The following CLVS1 variants were observed in gnomAD, a reference collection of about 807,000 sequenced individuals.
The protein encoded by CLVS1 is clavesin-1.
A neutral mutation model predicts 33.1 loss-of-function variants in CLVS1; 10 were observed. The observed-to-expected ratio is 0.30, with a 90% confidence interval of 0.19 to 0.51. CLVS1 has a LOEUF of 0.51. Among genes scored for constraint, CLVS1 ranks in the 20% least tolerant of loss-of-function variants. The probability of loss-of-function intolerance (pLI) is 0.97; values close to 1 mark genes in which losing one functional copy is unlikely to be tolerated. For synonymous variants in CLVS1, 163 were observed against 166.1 expected (o/e 0.98, Z 0.14); for missense variants, 343 against 433.4 (o/e 0.79, Z 1.85).
rs188327648 is a variant in CLVS1 at position 61,436,364 on chromosome 8, T to C, written c.631-17777T>C. Reference sequence around the variant, plus strand: ...AAAATATTTAGCTGCACTTGCCATCTTGTATTCTCTCTTCAGCACATTCCG... The same window carrying C: ...AAAATATTTAGCTGCACTTGCCATCCTGTATTCTCTCTTCAGCACATTCCG... On this transcript the variant is annotated intron_variant, in intron 3 of 5. Transcript: ENST00000325897. Among the ~76,000 whole-genome samples, 13 of 152,344 alleles carry C rather than the reference T, an allele frequency of 8.5e-5. No homozygotes were observed. The East Asian group carries it at 2.1e-3, about 25-fold the overall frequency.
chr8:61,420,255 C>T (rs7003083), intron 3 of CLVS1, among the ~76,000 whole-genome samples: 2,156 of 152,262 alleles, frequency 0.014, 60 homozygotes, highest in African/African-American at 0.05. Context: ...ATGTGACAGA[C>T]GGTCTGACAT....
intron 2 of CLVS1, among the ~76,000 whole-genome samples, chr8:61,194,022 A>G (rs1437794375): frequency 6.7e-6 from 1 of 149,084 alleles, no homozygotes; most frequent in African/African-American, 2.5e-5. Context: ...AGTTTCATAT[A>G]TATGTTTTAA....
chr8:61,321,187 C>T (rs984825507), intron 2 of CLVS1, among the ~76,000 whole-genome samples: 4 of 152,026 alleles, frequency 2.6e-5, no homozygotes, highest in Non-Finnish European at 5.9e-5. Context: ...AGGGGCTTGC[C>T]TTGGCAGGAG....
chr8:61,205,233 C>G (rs1807815426), intron 2 of CLVS1, among the ~76,000 whole-genome samples: 1 of 152,174 alleles, frequency 6.6e-6, no homozygotes. Flanking sequence ...ATGATCACCA[C>G]TGTTCATCTC....
Position 61,434,240 on chromosome 8 carries a change from T to G in CLVS1, c.631-19901T>G, listed in dbSNP as rs999664995. 2.0e-5 allele frequency among the ~76,000 whole-genome samples: 3 copies of G among 152,320 alleles called. No homozygotes were observed. In the South Asian group the frequency reaches 6.2e-4, roughly 32 times the overall value. On this transcript the variant is annotated intron_variant, in intron 3 of 5. Coordinates refer to ENST00000325897, the MANE Select transcript of CLVS1 (RefSeq NM_173519.3). ...AAGTGCAGGAAGGTAAAGAAACCAG[T>G]AATGAAACTGGTATTGAAATTCAGA...
intron 5 of CLVS1, among the ~76,000 whole-genome samples, chr8:61,491,414 T>C (rs1804084654): frequency 6.6e-6 from 1 of 152,200 alleles, no homozygotes; most frequent in Non-Finnish European, 1.5e-5. Flanking sequence ...AGGGCCCTTA[T>C]CATGAGCAGC....
chr8:60,967,669 T>G, the CLVS1 span: 1 of 455,876 alleles, frequency 2.2e-6, no homozygotes, highest in Non-Finnish European at 4.4e-6. Context: ...TGTACAGACG[T>G]TTTCAGGCCT....
chr8:61,206,617 C>T (rs1204895243), intron 2 of CLVS1, among the ~76,000 whole-genome samples: 1 of 140,708 alleles, frequency 7.1e-6, no homozygotes, highest in Non-Finnish European at 1.5e-5. Context: ...GAGATGGAGT[C>T]TCGCTCTGTT....
intron 2 of CLVS1, among the ~76,000 whole-genome samples, chr8:61,272,065 G>A (rs1585738640): frequency 6.6e-6 from 1 of 151,286 alleles, no homozygotes; most frequent in Non-Finnish European, 1.5e-5. Flanking sequence ...TTGCTCGTTA[G>A]TTGATGCAGT....
chr8:61,120,670 C>G (rs1254326735), intron 1 of CLVS1, among the ~76,000 whole-genome samples: 2 of 137,668 alleles, frequency 1.5e-5, no homozygotes, highest in East Asian at 2.1e-4. Flanking sequence ...GGGGTGCCTC[C>G]CAGTTAGGCT....
chr8:61,064,795 G>A (rs1031581633), intron 1 of CLVS1, among the ~76,000 whole-genome samples: 4 of 151,956 alleles, frequency 2.6e-5, no homozygotes, highest in African/African-American at 4.8e-5. Context: ...TCTGCCTCCC[G>A]GGTTCACACC....
the CLVS1 span, among the ~76,000 whole-genome samples, chr8:61,047,725 A>G: frequency 1.3e-5 from 2 of 152,184 alleles, no homozygotes; most frequent in Non-Finnish European, 2.9e-5. Context: ...TCTCACTCAT[A>G]GGTGGGAATT....
intron 2 of CLVS1, among the ~76,000 whole-genome samples, chr8:61,354,354 C>T (rs924701215): frequency 5.3e-5 from 8 of 151,928 alleles, no homozygotes; most frequent in African/African-American, 1.9e-4. Flanking sequence ...GATTACTCAT[C>T]AAGATTGCCA....
intron 2 of CLVS1, among the ~76,000 whole-genome samples, chr8:61,187,132 AT>A (rs35339159): frequency 4.0e-5 from 6 of 151,548 alleles, no homozygotes; most frequent in African/African-American, 7.3e-5. Context: ...GCATTGCAAT[AT>A]TTTTTTTTCC....
chr8:61,346,724 G>T (rs28533992), intron 2 of CLVS1, among the ~76,000 whole-genome samples: 56,281 of 152,062 alleles, frequency 0.37, 12,708 homozygotes, highest in East Asian at 0.64. Flanking sequence ...CCAAGAGCAT[G>T]GCAGATCATA....
chr8:61,074,433 G>GTT (rs1804866713), intron 1 of CLVS1, among the ~76,000 whole-genome samples: 1 of 132,122 alleles, frequency 7.6e-6, no homozygotes, highest in Admixed American at 7.7e-5. Flanking sequence ...ATATATATAT[G>GTT]TTATATATAT....
At chr8:61,446,345 A>G (rs1231178247) in intron 3 of CLVS1, among the ~76,000 whole-genome samples, 1 of 152,206 alleles carries the variant, frequency 6.6e-6, no homozygotes, top group Admixed American at 6.5e-5. Flanking sequence ...ACAAATTTTG[A>G]TATGTCCTAT....
chr8:61,296,952 T>C (rs1209703335), intron 1 of CLVS1, among the ~76,000 whole-genome samples: 1 of 152,138 alleles, frequency 6.6e-6, no homozygotes, highest in Non-Finnish European at 1.5e-5. Flanking sequence ...TAGAATATTG[T>C]GTGGGACTGC....
upstream of CLVS1, among the ~76,000 whole-genome samples, chr8:61,055,275 A>C (rs138517402): frequency 2.0e-5 from 3 of 152,318 alleles, no homozygotes; most frequent in African/African-American, 7.2e-5. Flanking sequence ...CGTCTTAAAC[A>C]CCCTCAAGCA....
Sources: allele counts gnomAD v4.1 joint callset (sites outside exome capture counted in the v4.1 genomes callset), GRCh38; gene constraint gnomAD v4.1.1; transcripts MANE v1.5; gene names NCBI Gene and HGNC (gene_info 2026-07-23, HGNC 2026-07-21).